ASCC1: variants seen among roughly 807,000 people sequenced by gnomAD.
The protein encoded by ASCC1 is activating signal cointegrator 1 complex subunit 1, also known as ASC-1 complex subunit P50.
ASCC1 carries 35 observed loss-of-function variants against 46.6 expected under a neutral mutation model. The observed-to-expected ratio is 0.75, with a 90% CI of 0.57 to 0.99. The LOEUF is 0.99. Among genes scored for constraint, ASCC1 ranks in the 50% least tolerant of loss-of-function variants. ASCC1 has a pLI of 0.00. For missense variants in ASCC1, 376 were observed against 428.7 expected, an observed-to-expected ratio of 0.88 and a Z score of 1.09; for synonymous variants, 143 against 146.6, an observed-to-expected ratio of 0.98 and a Z score of 0.18.
intron 7 of ASCC1, among the ~76,000 whole-genome samples, chr10:72,135,820 A>C (rs1846116230): frequency 6.6e-6 from 1 of 152,216 alleles, no homozygotes; most frequent in African/African-American, 2.4e-5. Context: ...AAAGAAGTGA[A>C]GGTGACTCTA....
chr10:72,213,970 G>A (rs981511466), intron 1 of ASCC1, among the ~76,000 whole-genome samples: 3 of 151,858 alleles, frequency 2.0e-5, no homozygotes, highest in South Asian at 2.1e-4. Context: ...CCCAGGAGGC[G>A]GAAGTTGCAG....
At chr10:72,115,645 A>G (rs975203522) in intron 9 of ASCC1, among the ~76,000 whole-genome samples, 7 of 152,214 alleles carry the variant, frequency 4.6e-5, no homozygotes, top group Non-Finnish European at 8.8e-5. Flanking sequence ...GATACTGGGG[A>G]AAAAGTAAAA....
intron 8 of ASCC1, among the ~76,000 whole-genome samples, chr10:72,130,542 T>C (rs1457919335): frequency 6.6e-6 from 1 of 152,226 alleles, no homozygotes; most frequent in Non-Finnish European, 1.5e-5. Context: ...CCTACATATC[T>C]GAACTCTTCC....
chr10:72,133,425 T>C, intron 7 of ASCC1: 2 of 476,872 alleles, frequency 4.2e-6, no homozygotes, highest in East Asian at 4.3e-5. Context: ...GTGAAGGGAG[T>C]GATCAACTCT....
At chr10:72,144,548 T>C (rs1847412117) in intron 7 of ASCC1, among the ~76,000 whole-genome samples, 1 of 152,194 alleles carries the variant, frequency 6.6e-6, no homozygotes, top group Non-Finnish European at 1.5e-5. Context: ...CTTTTTCCCA[T>C]GCTTCTTGTC....
chr10:72,184,836 A>T (rs542724422), intron 5 of ASCC1, among the ~76,000 whole-genome samples: 139 of 152,188 alleles, frequency 9.1e-4, no homozygotes, highest in African/African-American at 3.2e-3. Context: ...AACAAAAAAA[A>T]TTTTAAATAA....
At chr10:72,166,340 T>C (rs572609050) in intron 5 of ASCC1, among the ~76,000 whole-genome samples, 177 of 152,274 alleles carry the variant, frequency 1.2e-3, no homozygotes, top group Admixed American at 2.6e-3. Context: ...CAGTGGCTCA[T>C]GCCTGAAATC....
chr10:72,190,274 G>A, intron 5 of ASCC1: 5 of 791,594 alleles, frequency 6.3e-6, no homozygotes, highest in Admixed American at 1.7e-5. Flanking sequence ...TCACTGTGGA[G>A]TTCTGAGAGT....
chr10:72,179,710 A>G (rs577456649), intron 5 of ASCC1, among the ~76,000 whole-genome samples: 21 of 152,350 alleles, frequency 1.4e-4, no homozygotes, highest in African/African-American at 4.8e-4. Context: ...AACAAAATGA[A>G]CATAGGAGAC....
chr10:72,149,009 C>T (rs1326043053), intron 7 of ASCC1, among the ~76,000 whole-genome samples: 1 of 152,018 alleles, frequency 6.6e-6, no homozygotes, highest in Non-Finnish European at 1.5e-5. Flanking sequence ...CAACATATCA[C>T]AATAGACTGA....
chr10:72,103,572 G>A (rs1345351060), intron 9 of ASCC1, among the ~76,000 whole-genome samples: 1 of 152,142 alleles, frequency 6.6e-6, no homozygotes, highest in Non-Finnish European at 1.5e-5. Context: ...GCAAACAGCA[G>A]AAGCAGGAAA....
At chr10:72,155,435 G>A (rs1419660610) in intron 6 of ASCC1, among the ~76,000 whole-genome samples, 2 of 151,672 alleles carry the variant, frequency 1.3e-5, no homozygotes, top group Non-Finnish European at 2.9e-5. Context: ...AGGCATGAGG[G>A]ACCCTCATGG....
At chr10:72,136,971 A>G (rs1050821019) in intron 7 of ASCC1, among the ~76,000 whole-genome samples, 1 of 151,476 alleles carries the variant, frequency 6.6e-6, no homozygotes, top group African/African-American at 2.4e-5. Flanking sequence ...CATCTTTAAG[A>G]ACTGTAACAC....
intron 1 of ASCC1, 74 bp from the exon 2 acceptor site, chr10:72,213,405 T>C (rs545883833): frequency 6.2e-6 from 5 of 801,872 alleles, no homozygotes; most frequent in East Asian, 2.7e-5. Context: ...TGAACCATTA[T>C]GCAGGTCTGA....
chr10:72,184,594 T>C (rs1853170296), intron 5 of ASCC1, among the ~76,000 whole-genome samples: 1 of 152,044 alleles, frequency 6.6e-6, no homozygotes, highest in South Asian at 2.1e-4. Flanking sequence ...TAAAAGGATC[T>C]TATCAAGAAG....
chr10:72,108,750 T>C (rs1842621044), intron 9 of ASCC1, among the ~76,000 whole-genome samples: 1 of 152,212 alleles, frequency 6.6e-6, no homozygotes, highest in African/African-American at 2.4e-5. Flanking sequence ...TAAAGATAAA[T>C]TATAAGATGA....
At chr10:72,198,725 T>A (rs78851865) in intron 4 of ASCC1, 11,031 of 455,566 alleles carry the variant, frequency 0.024, 980 homozygotes, top group African/African-American at 0.19. Flanking sequence ...CGAATGCAAC[T>A]GCAGACTTGA....
chr10:72,186,384 C>T (rs577326846), intron 5 of ASCC1, among the ~76,000 whole-genome samples: 1 of 152,178 alleles, frequency 6.6e-6, no homozygotes, highest in Non-Finnish European at 1.5e-5. Flanking sequence ...TGCTATTAAG[C>T]AAGGGAATGT....
At chr10:72,173,550 T>C (rs1236556177) in intron 5 of ASCC1, among the ~76,000 whole-genome samples, 11 of 152,228 alleles carry the variant, frequency 7.2e-5, no homozygotes, top group African/African-American at 1.9e-4. Flanking sequence ...TTAACTCTAC[T>C]GTAGACTATA....
Sources: allele counts gnomAD v4.1 joint callset (sites outside exome capture counted in the v4.1 genomes callset), GRCh38; gene constraint gnomAD v4.1.1; transcripts MANE v1.5; gene names NCBI Gene and HGNC (gene_info 2026-07-23, HGNC 2026-07-21).